Variants in SLC17A8 observed in about 807,000 individuals in gnomAD.
The protein encoded by SLC17A8 is solute carrier family 17 member 8.
In SLC17A8, 31 loss-of-function variants were observed where a neutral mutation model predicts 58.0. That is an observed-to-expected ratio of 0.53 (90% CI 0.40 to 0.72). SLC17A8 has a LOEUF of 0.72. Ranked by LOEUF, SLC17A8 falls within the 30% of genes least tolerant of loss-of-function variation. The pLI, the probability that SLC17A8 is intolerant of heterozygous loss-of-function variation, is 0.00. For synonymous variants in SLC17A8, 228 were observed against 249.0 expected, an observed-to-expected ratio of 0.92 and a Z score of 0.79; for missense variants, 655 against 727.8, an observed-to-expected ratio of 0.90 and a Z score of 1.15.
rs1298991031 is a variant in SLC17A8 at position 100,420,390 on chromosome 12, C to T, written c.*231C>T. On this transcript the variant is annotated 3_prime_UTR_variant, in exon 12 of 12. Transcript: ENST00000323346. ...ATATTTTTTGAATTGACAGTTGACC[C>T]TTCTCTCAAAGAGCTAAACTTATTC... is the stretch of plus-strand genomic sequence containing the variant. The T allele has an allele frequency of 2.0e-6, 1 of 502,612 alleles. No homozygotes were observed. Among genetic ancestry groups the T allele is most frequent in the African/African-American group, 1.9e-5 (1 of 52,456 alleles). The allele number at this position is 502,612 out of a possible 1,614,324, so 31.1% of individuals were successfully genotyped here. A position where few individuals can be genotyped will look rare whatever the true frequency, so the allele number is the denominator to read the frequency against.
intron 9 of SLC17A8, among the ~76,000 whole-genome samples, chr12:100,405,945 G>A (rs572733647): frequency 3.9e-5 from 6 of 152,192 alleles, no homozygotes; most frequent in Admixed American, 6.5e-5. Context: ...TCAGGAGTTC[G>A]AAATCAGTCA....
At chr12:100,402,169 A>G (rs1388169465) in intron 6 of SLC17A8, among the ~76,000 whole-genome samples, 171 bp from the exon 7 acceptor site, 1 of 152,222 alleles carries the variant, frequency 6.6e-6, no homozygotes, top group Non-Finnish European at 1.5e-5. Context: ...CATAAATGTG[A>G]TAATTGGGTG....
chr12:100,372,293 T>A (rs1487628418), intron 1 of SLC17A8, among the ~76,000 whole-genome samples: 1 of 152,210 alleles, frequency 6.6e-6, no homozygotes, highest in Non-Finnish European at 1.5e-5. Flanking sequence ...TGTCCTCAGA[T>A]GGCTTTCCTC....
chr12:100,393,601 T>A (rs1952732316), intron 4 of SLC17A8, 118 bp downstream of exon 4: 1 of 740,162 alleles, frequency 1.4e-6, no homozygotes, highest in African/African-American at 1.7e-5. Flanking sequence ...TTCTTCCTTT[T>A]CCTGCTGTTT....
chr12:100,399,827 A>G (rs1316587065), intron 5 of SLC17A8, among the ~76,000 whole-genome samples: 2 of 152,130 alleles, frequency 1.3e-5, no homozygotes, highest in East Asian at 3.9e-4. Flanking sequence ...GCTTTTTACT[A>G]TGTAAGGGGA....
intron 1 of SLC17A8, among the ~76,000 whole-genome samples, chr12:100,362,040 TC>T (rs1952488434): frequency 1.3e-5 from 2 of 152,052 alleles, no homozygotes; most frequent in African/African-American, 2.4e-5. Flanking sequence ...AGTGGCCAGA[TC>T]CAAAGGGGAA....
Position 100,380,746 on chromosome 12 carries a change from T to G in SLC17A8, c.147T>G (p.Asn49Lys). ...TTEEEDNIEL[N>K]EEGRPVQTSR... The stretch of plus-strand genomic sequence containing the variant: ...AGGAAGAAGATAACATTGAGCTGAA[T>G]GAAGAAGGAAGGCCGGTGCAGACGT... The change falls in exon 2 of 12, where the codon AAT becomes AAG. Residue 49 changes from asparagine to lysine, a missense_variant. Asn to Lys is a moderately conservative substitution (Grantham distance 94). Transcript: ENST00000323346. The G allele has an allele frequency of 6.2e-7, 1 of 1,614,120 alleles. No individual in the cohort carries two copies. Among genetic ancestry groups the G allele is most frequent in the Non-Finnish European group, 8.5e-7 (1 of 1,180,002 alleles).
intron 4 of SLC17A8, among the ~76,000 whole-genome samples, chr12:100,394,573 T>C (rs568048858): frequency 1.3e-5 from 2 of 150,944 alleles, no homozygotes; most frequent in South Asian, 4.2e-4. Context: ...GGCTAATTTT[T>C]TGTATTTTTA....
chr12:100,414,356 G>C (rs1952891643), intron 10 of SLC17A8, among the ~76,000 whole-genome samples: 1 of 152,202 alleles, frequency 6.6e-6, no homozygotes, highest in Non-Finnish European at 1.5e-5. Context: ...AGAAAATAAA[G>C]TAAAAGTCTA....
chr12:100,369,879 A>G (rs1952546866), intron 1 of SLC17A8, among the ~76,000 whole-genome samples: 1 of 152,210 alleles, frequency 6.6e-6, no homozygotes, highest in South Asian at 2.1e-4. Context: ...TAACTACTAG[A>G]AAAGTAACAG....
intron 2 of SLC17A8, among the ~76,000 whole-genome samples, chr12:100,388,133 T>G (rs886556650): frequency 2.0e-5 from 3 of 152,190 alleles, no homozygotes; most frequent in African/African-American, 7.2e-5. Context: ...TTTCTCTGCC[T>G]GGAAAGCTCA....
At chr12:100,382,981 G>A (rs960765856) in intron 2 of SLC17A8, among the ~76,000 whole-genome samples, 3 of 152,202 alleles carry the variant, frequency 2.0e-5, no homozygotes, top group Non-Finnish European at 2.9e-5. Context: ...AGCCAAATCT[G>A]TCCTAAAAGG....
intron 9 of SLC17A8, among the ~76,000 whole-genome samples, chr12:100,405,021 C>T (rs140126913): frequency 9.2e-5 from 14 of 152,306 alleles, no homozygotes; most frequent in African/African-American, 3.4e-4. Flanking sequence ...TTGAAAGGGA[C>T]GGATTGCGTA....
intron 1 of SLC17A8, among the ~76,000 whole-genome samples, chr12:100,366,704 G>A (rs1389160391): frequency 6.6e-6 from 1 of 152,192 alleles, no homozygotes; most frequent in African/African-American, 2.4e-5. Context: ...GGGCAAGAGA[G>A]TGTGACTTTC....
intron 9 of SLC17A8, 120 bp downstream of exon 9, chr12:100,404,290 T>A: frequency 7.6e-7 from 1 of 1,318,166 alleles, no homozygotes; most frequent in Non-Finnish European, 1.1e-6. Flanking sequence ...GACCTCTAAG[T>A]CTGTCCCTCA....
intron 8 of SLC17A8, among the ~76,000 whole-genome samples, chr12:100,403,330 G>C (rs896422137): frequency 2.0e-5 from 3 of 152,054 alleles, no homozygotes; most frequent in South Asian, 2.1e-4. Flanking sequence ...TTAGCTGGGC[G>C]TAGTGATGCA....
chr12:100,402,315 C>T lies in SLC17A8; in HGVS notation c.764-25C>T, dbSNP rs113357443. 1.7e-5 allele frequency: 28 copies of T among 1,613,470 alleles called. No individual in the cohort carries two copies. The African/African-American group carries it at 2.4e-4, about 14-fold the overall frequency. ...ACGGAAGAAAATGAGACCATATAAC[C>T]CAGCCTTTTCTTTTTTAACTGCAGG... On this transcript the variant is annotated intron_variant, in intron 6 of 11. Coordinates refer to ENST00000323346, the MANE Select transcript of SLC17A8 (RefSeq NM_139319.3).
At chr12:100,412,468 C>T (rs1436058983) in intron 9 of SLC17A8, among the ~76,000 whole-genome samples, 1 of 151,740 alleles carries the variant, frequency 6.6e-6, no homozygotes, top group East Asian at 1.9e-4. Flanking sequence ...CATGTGGGGC[C>T]CAAAACCTAG....
chr12:100,372,090 T>C (rs891988394), intron 1 of SLC17A8, among the ~76,000 whole-genome samples: 1 of 152,194 alleles, frequency 6.6e-6, no homozygotes, highest in Non-Finnish European at 1.5e-5. Context: ...ATGAGCTAAA[T>C]GGGACCTTTT....
Sources: allele counts gnomAD v4.1 joint callset (sites outside exome capture counted in the v4.1 genomes callset), GRCh38; gene constraint gnomAD v4.1.1; transcripts MANE v1.5; gene names NCBI Gene and HGNC (gene_info 2026-07-23, HGNC 2026-07-21).